The following RALA variants were observed in gnomAD, a reference collection of about 807,000 sequenced individuals.
The protein encoded by RALA is ras-related protein Ral-A.
A neutral mutation model predicts 24.0 loss-of-function variants in RALA; 5 were observed. The observed-to-expected ratio is 0.21, with a 90% CI of 0.11 to 0.44. RALA has a LOEUF of 0.44. Among genes scored for constraint, RALA ranks in the 20% least tolerant of loss-of-function variants. RALA has a pLI of 0.99. For missense variants in RALA, 95 were observed against 241.2 expected, an observed-to-expected ratio of 0.39 and a Z score of 4.01; for synonymous variants, 77 against 83.8, an observed-to-expected ratio of 0.92 and a Z score of 0.44.
intron 1 of RALA, among the ~76,000 whole-genome samples, chr7:39,632,535 T>C (rs1340819918): frequency 1.3e-5 from 2 of 152,178 alleles, no homozygotes; most frequent in Non-Finnish European, 2.9e-5. Flanking sequence ...TTATGGAGAT[T>C]GGCTGGGCGT....
intron 4 of RALA, among the ~76,000 whole-genome samples, chr7:39,698,099 G>A (rs1042730214): frequency 6.6e-6 from 1 of 152,016 alleles, no homozygotes; most frequent in African/African-American, 2.4e-5. Flanking sequence ...CTGATTTGCT[G>A]GATTTCCTTA....
intron 1 of RALA, among the ~76,000 whole-genome samples, chr7:39,634,094 A>G (rs1187831166): frequency 3.3e-5 from 5 of 152,088 alleles, no homozygotes; most frequent in Admixed American, 6.6e-5. Context: ...TTATTGCCCC[A>G]TATACTAATG....
At chr7:39,674,109 T>C (rs1156629938) in intron 1 of RALA, among the ~76,000 whole-genome samples, 1 of 151,988 alleles carries the variant, frequency 6.6e-6, no homozygotes. Context: ...GGGGGTGGTC[T>C]TACTCTGTAG....
chr7:39,661,506 G>T lies in RALA; in HGVS notation c.-37-25125G>T, dbSNP rs182149163. On this transcript the variant is annotated intron_variant, in intron 1 of 4. Coordinates refer to ENST00000005257, the MANE Select transcript of RALA (RefSeq NM_005402.4). The stretch of plus-strand genomic sequence containing the variant: ...GCACCCATTCCAAATGGGAGAAATT[G>T]GCCAAAACAAAGGGGCCAAAGGCCC... 3.9e-4 allele frequency among the ~76,000 whole-genome samples: 59 copies of T among 152,320 alleles called. No individual in the cohort carries two copies. The East Asian group carries it at 9.3e-3, about 24-fold the overall frequency.
chr7:39,648,294 C>G (rs1262728265), intron 1 of RALA, among the ~76,000 whole-genome samples: 3 of 152,112 alleles, frequency 2.0e-5, no homozygotes, highest in South Asian at 2.1e-4. Flanking sequence ...GACTTATACT[C>G]TAGTCCTCTT....
chr7:39,634,536 C>T (rs1334650429), intron 1 of RALA, among the ~76,000 whole-genome samples: 1 of 152,158 alleles, frequency 6.6e-6, no homozygotes, highest in Admixed American at 6.5e-5. Flanking sequence ...CATCTTTCTG[C>T]CTAAAATATT....
chr7:39,653,408 C>G (rs1056048124), intron 1 of RALA, among the ~76,000 whole-genome samples: 1 of 152,108 alleles, frequency 6.6e-6, no homozygotes, highest in Non-Finnish European at 1.5e-5. Context: ...CTCACTGCAG[C>G]TTTGACTACC....
chr7:39,643,796 G>A (rs1791880036), intron 1 of RALA, among the ~76,000 whole-genome samples: 2 of 152,192 alleles, frequency 1.3e-5, no homozygotes, highest in Non-Finnish European at 2.9e-5. Context: ...GGCAGAGGTT[G>A]CAGTGAGCCA....
At chr7:39,679,405 C>T (rs886272758) in intron 1 of RALA, among the ~76,000 whole-genome samples, 1 of 152,088 alleles carries the variant, frequency 6.6e-6, no homozygotes, top group Non-Finnish European at 1.5e-5. Flanking sequence ...GTTTGCTGGC[C>T]CTTGCAAACA....
chr7:39,641,291 A>T (rs571801742), intron 1 of RALA, among the ~76,000 whole-genome samples: 2 of 152,198 alleles, frequency 1.3e-5, no homozygotes. Context: ...TTATTTTCTG[A>T]TTAATTTTAA....
chr7:39,642,740 G>C (rs1447081665), intron 1 of RALA, among the ~76,000 whole-genome samples: 5 of 152,136 alleles, frequency 3.3e-5, no homozygotes, highest in Non-Finnish European at 7.4e-5. Flanking sequence ...GTTTGCTGTT[G>C]GGAGCAGCAT....
intron 4 of RALA, among the ~76,000 whole-genome samples, chr7:39,700,008 C>G (rs1792994799): frequency 6.6e-6 from 1 of 152,048 alleles, no homozygotes; most frequent in Non-Finnish European, 1.5e-5. Context: ...CTTTTTGCAT[C>G]CATGTGTTCT....
At chr7:39,683,302 A>G (rs780616400) in intron 1 of RALA, among the ~76,000 whole-genome samples, 2 of 152,052 alleles carry the variant, frequency 1.3e-5, no homozygotes, top group African/African-American at 2.4e-5. Flanking sequence ...ACCCTCTTCT[A>G]AGTTCTTTGT....
chr7:39,692,568 T>G (rs756146929), intron 3 of RALA, among the ~76,000 whole-genome samples: 4 of 152,324 alleles, frequency 2.6e-5, no homozygotes, highest in South Asian at 4.1e-4. Context: ...AGAATTACTT[T>G]TCTCTGACAT....
intron 1 of RALA, among the ~76,000 whole-genome samples, chr7:39,657,766 G>A (rs199863067): frequency 5.3e-5 from 8 of 151,830 alleles, no homozygotes; most frequent in Non-Finnish European, 1.0e-4. Context: ...CACAAAAAAA[G>A]AAAAAAAATG....
chr7:39,626,923 T>A (rs1009834641), intron 1 of RALA, among the ~76,000 whole-genome samples: 1 of 152,198 alleles, frequency 6.6e-6, no homozygotes, highest in Non-Finnish European at 1.5e-5. Flanking sequence ...TCTCTGGGTT[T>A]AAGATGGAGG....
At chr7:39,628,635 C>T (rs972348879) in intron 1 of RALA, among the ~76,000 whole-genome samples, 1 of 152,122 alleles carries the variant, frequency 6.6e-6, no homozygotes, top group East Asian at 1.9e-4. Context: ...GGCTCACTGC[C>T]GCCTCCACCT....
At chr7:39,638,494 C>T (rs1166355003) in intron 1 of RALA, among the ~76,000 whole-genome samples, 2 of 152,158 alleles carry the variant, frequency 1.3e-5, no homozygotes, top group African/African-American at 2.4e-5. Context: ...GGATATACCA[C>T]ATTTTGTTTA....
At chr7:39,655,169 A>G (rs1792075286) in intron 1 of RALA, among the ~76,000 whole-genome samples, 1 of 152,250 alleles carries the variant, frequency 6.6e-6, no homozygotes, top group Non-Finnish European at 1.5e-5. Flanking sequence ...GCTGAAAACT[A>G]CAAACCACTC....
Sources: allele counts gnomAD v4.1 joint callset (sites outside exome capture counted in the v4.1 genomes callset), GRCh38; gene constraint gnomAD v4.1.1; transcripts MANE v1.5; gene names NCBI Gene and HGNC (gene_info 2026-07-23, HGNC 2026-07-21).